The following CDC14A variants were observed in gnomAD, a reference collection of about 807,000 sequenced individuals.
CDC14A encodes the protein dual specificity protein phosphatase CDC14A.
A neutral mutation model predicts 74.4 loss-of-function variants in CDC14A; 53 were observed. The ratio of observed to expected loss-of-function variants is 0.71; its 90% confidence interval spans 0.57 to 0.89. The LOEUF (loss-of-function observed/expected upper bound fraction) is 0.89. Ranked by LOEUF, CDC14A falls within the 40% of genes least tolerant of loss-of-function variation. The pLI is 0.00. For synonymous variants in CDC14A, 247 were observed against 258.4 expected, an observed-to-expected ratio of 0.96 and a Z score of 0.43; for missense variants, 646 against 713.7, an observed-to-expected ratio of 0.91 and a Z score of 1.08.
At chr1:100,405,739 A>G (rs1440331731) in intron 4 of CDC14A, among the ~76,000 whole-genome samples, 1 of 152,196 alleles carries the variant, frequency 6.6e-6, no homozygotes, top group African/African-American at 2.4e-5. Flanking sequence ...ATAGTATTCC[A>G]TGGTGTATAT....
chr1:100,499,456 C>A, intron 15 of CDC14A, 194 bp downstream of exon 15: 1 of 1,473,274 alleles, frequency 6.8e-7, no homozygotes, highest in South Asian at 1.5e-5. Context: ...AACGCCAAGT[C>A]ACAACTGGGT....
rs376831399 is a variant in CDC14A, at chr1:100,484,529, A to G, written c.1137+78A>G. On this transcript the variant is annotated intron_variant, in intron 11 of 15. Transcript: ENST00000336454. ...TTTCTCAGTTGGACCTATATAACAT[A>G]GCAGTGTCTTTTCTCTGGATGCCAC... 22 of 1,405,994 alleles carry G rather than the reference A, an allele frequency of 1.6e-5. No individual in the cohort carries two copies. In the East Asian group the frequency reaches 3.1e-4, roughly 20 times the overall value. 87.1% of individuals were successfully genotyped at this position (1,405,994 alleles called of 1,614,324 possible).
At position 100,462,791 on chromosome 1, in the gene CDC14A, A is replaced by G. The variant is rs200624804; in HGVS notation, c.748A>G (p.Ile250Val). Residue 250 changes from isoleucine (I) to valine (V), a missense_variant, in exon 9 of 16, where the codon ATA becomes GTA. Transcript: ENST00000336454. ...AGFEHYDLFF[I>V]DGSTPSDNIV... ...CTTCGAGCACTATGACCTCTTCTTC[A>G]TAGATGGCAGCACACCCAGTGACAA... is the stretch of plus-strand genomic sequence containing the variant. 4.5e-5 allele frequency: 73 copies of G among 1,614,142 alleles called. No individual in the cohort carries two copies. In the East Asian group the frequency reaches 1.5e-3, roughly 34 times the overall value.
intron 2 of CDC14A, among the ~76,000 whole-genome samples, chr1:100,367,686 G>A (rs906163665): frequency 3.9e-5 from 6 of 152,136 alleles, no homozygotes; most frequent in Non-Finnish European, 7.4e-5. Flanking sequence ...GCTCTTGGTT[G>A]TGCAAAACTT....
chr1:100,374,905 G>A (rs1400529541), intron 2 of CDC14A, among the ~76,000 whole-genome samples: 2 of 152,176 alleles, frequency 1.3e-5, no homozygotes, highest in Non-Finnish European at 2.9e-5. Flanking sequence ...TTCTGCTTTT[G>A]TATTACCTGT....
intron 5 of CDC14A, among the ~76,000 whole-genome samples, chr1:100,434,384 C>G (rs770502472): frequency 6.6e-6 from 1 of 152,110 alleles, no homozygotes; most frequent in South Asian, 2.1e-4. Context: ...GGCCAGATAC[C>G]CCCAGGCCTT....
intron 11 of CDC14A, among the ~76,000 whole-genome samples, chr1:100,488,291 T>C (rs1670253548): frequency 6.6e-6 from 1 of 152,174 alleles, no homozygotes; most frequent in South Asian, 2.1e-4. Context: ...CCATATGAAA[T>C]AGGCACTGTT....
chr1:100,507,949 G>T (rs1649383733), intron 15 of CDC14A, among the ~76,000 whole-genome samples: 1 of 152,118 alleles, frequency 6.6e-6, no homozygotes. Flanking sequence ...CAAAGTGCTG[G>T]GATTACAGGC....
At chr1:100,485,927 A>G (rs2101369630) in intron 11 of CDC14A, 1 of 152,358 alleles carries the variant, frequency 6.6e-6, no homozygotes, top group Non-Finnish European at 1.5e-5. Context: ...CATTCGAGTC[A>G]TCTGTCCTGA....
At chr1:100,433,949 A>G (rs1251094197) in intron 5 of CDC14A, among the ~76,000 whole-genome samples, 1 of 152,258 alleles carries the variant, frequency 6.6e-6, no homozygotes, top group African/African-American at 2.4e-5. Context: ...CTGGGACACC[A>G]GTGAAACAAG....
At chr1:100,387,615 TTCTC>T (rs774914338) in intron 3 of CDC14A, among the ~76,000 whole-genome samples, 1 of 152,230 alleles carries the variant, frequency 6.6e-6, no homozygotes, top group East Asian at 1.9e-4. Flanking sequence ...GTGAAGATCA[TTCTC>T]TATCTGATGT....
chr1:100,492,144 C>A (rs1180958731), intron 11 of CDC14A, among the ~76,000 whole-genome samples: 1 of 152,004 alleles, frequency 6.6e-6, no homozygotes, highest in Non-Finnish European at 1.5e-5. Flanking sequence ...TTAAGATTCA[C>A]AATAGAATGA....
At chr1:100,393,649 C>CA (rs1658031790) in intron 4 of CDC14A, 1 of 571,512 alleles carries the variant, frequency 1.7e-6, no homozygotes, top group Non-Finnish European at 3.3e-6. Flanking sequence ...TAACCTTGAT[C>CA]AAAATATGGA....
chr1:100,501,555 A>G (rs913860551), intron 15 of CDC14A, among the ~76,000 whole-genome samples: 4 of 152,212 alleles, frequency 2.6e-5, no homozygotes, highest in Admixed American at 2.0e-4. Context: ...TAGCAATACA[A>G]TTATGTACAG....
chr1:100,394,961 T>TG (rs1201110287), intron 4 of CDC14A, among the ~76,000 whole-genome samples: 1 of 152,212 alleles, frequency 6.6e-6, no homozygotes, highest in African/African-American at 2.4e-5. Flanking sequence ...GTCCGTTTTC[T>TG]GGGGGAATCT....
rs1242156101 is a variant in CDC14A at position 100,384,998 on chromosome 1, G to A, written c.217-5734G>A. Among the ~76,000 whole-genome samples the A allele has an allele frequency of 2.0e-5, 3 of 152,202 alleles. No individual in the cohort carries two copies. In the East Asian group the frequency reaches 5.8e-4, roughly 29 times the overall value. On this transcript the variant is annotated intron_variant, in intron 3 of 15. Coordinates refer to ENST00000336454, the MANE Select transcript of CDC14A (RefSeq NM_003672.4). The stretch of plus-strand genomic sequence containing the variant: ...AATTACGGAATCATTAAAGGGACTT[G>A]TTCCTAAGGTGTTATCACCTGGAAT...
At chr1:100,462,218 A>G (rs1241305997) in intron 8 of CDC14A, among the ~76,000 whole-genome samples, 4 of 152,230 alleles carry the variant, frequency 2.6e-5, no homozygotes, top group Admixed American at 6.5e-5. Context: ...GCATTGTACT[A>G]CAAATTAAAA....
intron 2 of CDC14A, among the ~76,000 whole-genome samples, chr1:100,358,729 G>A (rs544830272): frequency 7.9e-5 from 12 of 152,274 alleles, no homozygotes; most frequent in Non-Finnish European, 1.8e-4. Context: ...TGATATTAAT[G>A]CATCCAGGAA....
intron 2 of CDC14A, among the ~76,000 whole-genome samples, chr1:100,370,526 T>G (rs970436119): frequency 2.6e-5 from 4 of 152,234 alleles, no homozygotes; most frequent in Non-Finnish European, 4.4e-5. Context: ...TTCTTTTGCA[T>G]TTGGCTAGCC....
Sources: gnomAD v4.1 joint callset for allele counts (sites outside exome capture counted in the v4.1 genomes callset) on GRCh38, gnomAD v4.1.1 for gene constraint, MANE v1.5 for transcripts, NCBI Gene and HGNC (gene_info 2026-07-23, HGNC 2026-07-21) for gene names.